MAP3K13: variants seen among roughly 807,000 people sequenced by gnomAD.
MAP3K13 encodes the protein leucine zipper-bearing kinase.
Under a neutral mutation model 104.0 loss-of-function variants are expected in MAP3K13, and 52 were observed. The ratio of observed to expected loss-of-function variants is 0.50; its 90% CI spans 0.40 to 0.63. The LOEUF (loss-of-function observed/expected upper bound fraction) is 0.63, where lower values mean the gene tolerates loss of function less well. MAP3K13 is among the 20% of genes least tolerant of loss of function. MAP3K13 has a pLI of 0.00. For missense variants in MAP3K13, 914 were observed against 1,218.5 expected (o/e 0.75, Z 3.72); for synonymous variants, 394 against 442.2 (o/e 0.89, Z 1.37).
At chr3:185,361,106 G>A (rs200617274), upstream of MAP3K13, among the ~76,000 whole-genome samples, 71,624 of 146,430 alleles carry the variant, frequency 0.49, 18,437 homozygotes, top group Middle Eastern at 0.62. Context: ...ATATGTGTGT[G>A]TGTGTGTGTG....
chr3:185,467,244 T>G (rs757446381), intron 10 of MAP3K13, among the ~76,000 whole-genome samples: 9 of 152,208 alleles, frequency 5.9e-5, no homozygotes, highest in Non-Finnish European at 1.3e-4. Flanking sequence ...ACCTGCCTTA[T>G]AAGCTGTGTG....
At chr3:185,481,977 A>G (rs1445660392) in intron 13 of MAP3K13, among the ~76,000 whole-genome samples, 2 of 152,180 alleles carry the variant, frequency 1.3e-5, no homozygotes, top group African/African-American at 4.8e-5. Flanking sequence ...CCAGCCGCTC[A>G]GGAGGCTGAG....
chr3:185,376,101 AG>A (rs1724414954), intron 1 of MAP3K13, among the ~76,000 whole-genome samples: 1 of 152,156 alleles, frequency 6.6e-6, no homozygotes, highest in African/African-American at 2.4e-5. Flanking sequence ...GGTGATAAAC[AG>A]GAATGAAGGA....
In MAP3K13 at chr3:185,418,554, T is replaced by C; in HGVS notation, c.-85-9943T>C. 6.2e-7 allele frequency: 1 copy of C among 1,612,208 alleles called. No homozygotes were observed. The highest frequency in any genetic ancestry group is 8.5e-7 in the Non-Finnish European group (1 of 1,179,844). ...TCCCACCACCTCGAACTCTGGGAAT[T>C]CGAGCCATAGCTCTGCCAGTACCCC... On this transcript the variant is annotated intron_variant, in intron 1 of 13. Transcript: ENST00000265026. This position sits in a 1 kb window ranked among gnomAD's most constrained non-coding sequence, Gnocchi z 4.5.
At position 185,477,300 on chromosome 3, in the gene MAP3K13, A is replaced by T. The variant is rs563466400; in HGVS notation, c.2431-26A>T. On this transcript the variant is annotated intron_variant, in intron 11 of 13. Coordinates refer to ENST00000265026, the MANE Select transcript of MAP3K13 (RefSeq NM_004721.5). The stretch of plus-strand genomic sequence containing the variant: ...AGACAGAGTGACACTAAAATAAATA[A>T]AACTCTTAATCCTTGTTCTCCTCAG... The T allele has an allele frequency of 1.6e-5, 23 of 1,470,156 alleles. No homozygotes were observed. The African/African-American group carries it at 2.9e-4, about 19-fold the overall frequency. The allele number at this position is 1,470,156 out of a possible 1,614,324, so 91.1% of individuals were successfully genotyped here.
chr3:185,487,927 A>G lies in MAP3K13; in HGVS notation c.*5471A>G, dbSNP rs944685229. On this transcript the variant is annotated 3_prime_UTR_variant, in exon 14 of 14. Transcript: ENST00000265026. ...CCCAATGGCAGAACGACAGGCTCGC[A>G]CTAGTGTCCACCTGTGGCTGTCAGG... The G allele has an allele frequency of 3.3e-5, 5 of 152,204 alleles. No homozygotes were observed. Among genetic ancestry groups the G allele is most frequent in the African/African-American group, 1.2e-4 (5 of 41,446 alleles). The allele number at this position is 152,204 out of a possible 1,614,324, so 9.4% of individuals were successfully genotyped here. A position where few individuals can be genotyped will look rare whatever the true frequency, so the allele number is the denominator to read the frequency against.
intron 7 of MAP3K13, among the ~76,000 whole-genome samples, chr3:185,452,316 C>T (rs935342290): frequency 2.0e-5 from 3 of 152,076 alleles, no homozygotes; most frequent in Non-Finnish European, 4.4e-5. Flanking sequence ...CTTCACCTCC[C>T]GGGCTCAAGC....
At chr3:185,370,476 G>A (rs1724097179) in intron 1 of MAP3K13, among the ~76,000 whole-genome samples, 1 of 152,008 alleles carries the variant, frequency 6.6e-6, no homozygotes, top group South Asian at 2.1e-4. Context: ...GATTACAGGC[G>A]TGACCCACTG....
At chr3:185,322,718 A>T (rs1166743095) in intron 2 of MAP3K13, among the ~76,000 whole-genome samples, 2 of 152,228 alleles carry the variant, frequency 1.3e-5, no homozygotes, top group Non-Finnish European at 2.9e-5. Context: ...TGCCTTGCAC[A>T]GTAGGTACCA....
At chr3:185,477,631 C>T (rs112477056) in intron 12 of MAP3K13, among the ~76,000 whole-genome samples, 83 of 152,300 alleles carry the variant, frequency 5.4e-4, no homozygotes, top group African/African-American at 1.9e-3. Flanking sequence ...AGCATGAATA[C>T]AGATTCAAGG....
chr3:185,420,742 T>C (rs916677019), intron 1 of MAP3K13, among the ~76,000 whole-genome samples: 21 of 152,270 alleles, frequency 1.4e-4, no homozygotes, highest in African/African-American at 5.1e-4. Flanking sequence ...TGATATAAAA[T>C]TTAAAATCTG....
rs1260303270 is a variant in MAP3K13, at chr3:185,455,219, T to TG, written c.1278+3824_1278+3825insG. ...ATATATATGATATATATGAGATATATATATGATATATATGAGATATATATA... is the reference window on the plus strand; with the variant it reads ...ATATATATGATATATATGAGATATATGATATGATATATATGAGATATATATA... On this transcript the variant is annotated intron_variant, in intron 7 of 13. Transcript: ENST00000265026. Among the ~76,000 whole-genome samples, 4 of 87,698 alleles carry TG rather than the reference T, an allele frequency of 4.6e-5. No individual in the cohort carries two copies. In the East Asian group the frequency reaches 1.0e-3, roughly 23 times the overall value. The allele number at this position is 87,698 out of a possible 152,430, so 57.5% of individuals were successfully genotyped here. A position where few individuals can be genotyped will look rare whatever the true frequency, so the allele number is the denominator to read the frequency against.
intron 3 of MAP3K13, among the ~76,000 whole-genome samples, chr3:185,440,784 G>A (rs1366335228): frequency 1.3e-5 from 2 of 152,162 alleles, no homozygotes; most frequent in Admixed American, 6.6e-5. Context: ...AGATAGGCAT[G>A]GGTTGGTAGC....
chr3:185,410,985 T>C (rs1430309709), intron 1 of MAP3K13, among the ~76,000 whole-genome samples: 1 of 151,542 alleles, frequency 6.6e-6, no homozygotes, highest in Non-Finnish European at 1.5e-5. Flanking sequence ...TCATGGAATA[T>C]TAAGAGAAGT....
chr3:185,365,454 T>C (rs911058279), intron 1 of MAP3K13, among the ~76,000 whole-genome samples: 1 of 152,184 alleles, frequency 6.6e-6, no homozygotes, highest in African/African-American at 2.4e-5. Context: ...CACTGGTAGA[T>C]GACAGAACAA....
At position 185,443,734 on chromosome 3, in the gene MAP3K13, T is replaced by A. The variant is rs1459015419; in HGVS notation, c.851+98T>A. The A allele has an allele frequency of 4.0e-6, 4 of 1,003,104 alleles. No homozygotes were observed. The Admixed American group carries it at 7.8e-5, about 19-fold the overall frequency. 62.1% of individuals were successfully genotyped at this position (1,003,104 alleles called of 1,614,324 possible). ...TTGACGTTTTCAGACATCATACCTTTAGTTCAGTTTCAATCAGCACAGTGG... is the reference window on the plus strand; with the variant it reads ...TTGACGTTTTCAGACATCATACCTTAAGTTCAGTTTCAATCAGCACAGTGG... On this transcript the variant is annotated intron_variant, in intron 4 of 13. Coordinates refer to ENST00000265026, the MANE Select transcript of MAP3K13 (RefSeq NM_004721.5).
At chr3:185,343,891 A>T (rs1364078731) in intron 2 of MAP3K13, among the ~76,000 whole-genome samples, 1 of 152,336 alleles carries the variant, frequency 6.6e-6, no homozygotes, top group South Asian at 2.1e-4. Flanking sequence ...TGACCTAAGC[A>T]AGGGCTTCCT....
At chr3:185,387,348 CCT>C (rs1167363894) in intron 1 of MAP3K13, among the ~76,000 whole-genome samples, 1 of 152,088 alleles carries the variant, frequency 6.6e-6, no homozygotes, top group Non-Finnish European at 1.5e-5. Flanking sequence ...CACCTCCCCA[CCT>C]CTCTGTTGCT....
At chr3:185,356,028 T>C (rs1397545720) in intron 2 of MAP3K13, among the ~76,000 whole-genome samples, 1 of 152,174 alleles carries the variant, frequency 6.6e-6, no homozygotes, top group Admixed American at 6.5e-5. Flanking sequence ...CCTGGATGAA[T>C]TGAGATAAAC....
Sources: gnomAD v4.1 joint callset for allele counts (sites outside exome capture counted in the v4.1 genomes callset) on GRCh38, gnomAD v4.1.1 for gene constraint, Gnocchi (gnomAD v3.1) non-coding constraint, MANE v1.5 for transcripts, NCBI Gene and HGNC (gene_info 2026-07-23, HGNC 2026-07-21) for gene names.